CADM2: variants seen among roughly 807,000 people sequenced by gnomAD.
CADM2 encodes immunoglobulin superfamily member 4D.
In CADM2, 12 loss-of-function variants were observed where a neutral mutation model predicts 49.8. The ratio of observed to expected loss-of-function variants is 0.24; its 90% CI spans 0.15 to 0.39. The LOEUF is 0.39. Ranked by LOEUF, CADM2 falls within the 10% of genes least tolerant of loss-of-function variation. CADM2 has a pLI of 1.00. For missense variants in CADM2, 378 were observed against 492.3 expected, an observed-to-expected ratio of 0.77 and a Z score of 2.20; for synonymous variants, 214 against 175.4, an observed-to-expected ratio of 1.22 and a Z score of -1.74.
chr3:86,046,416 C>A (rs962988283), intron 8 of CADM2, among the ~76,000 whole-genome samples: 1 of 152,050 alleles, frequency 6.6e-6, no homozygotes, highest in Admixed American at 6.6e-5. Flanking sequence ...ATAGACGCTG[C>A]CCTTTTAAGC....
At chr3:85,834,214 A>G (rs1406726833) in intron 3 of CADM2, among the ~76,000 whole-genome samples, 1 of 151,614 alleles carries the variant, frequency 6.6e-6, no homozygotes, top group Admixed American at 6.6e-5. Flanking sequence ...AAAGAGAAAA[A>G]AATTATTATA....
At chr3:85,845,507 A>G (rs1322202780) in intron 3 of CADM2, among the ~76,000 whole-genome samples, 1 of 152,198 alleles carries the variant, frequency 6.6e-6, no homozygotes, top group Non-Finnish European at 1.5e-5. Context: ...TTTAAGATTC[A>G]TGAAGCTTTA....
chr3:85,077,795 A>AT (rs2037004902), intron 1 of CADM2, among the ~76,000 whole-genome samples: 1 of 152,114 alleles, frequency 6.6e-6, no homozygotes, highest in African/African-American at 2.4e-5. Flanking sequence ...GGTTTTGTTA[A>AT]TAAAAACAGA....
At chr3:85,712,671 T>C (rs1186671156) in intron 1 of CADM2, among the ~76,000 whole-genome samples, 1 of 152,180 alleles carries the variant, frequency 6.6e-6, no homozygotes, top group Non-Finnish European at 1.5e-5. Context: ...GACTAATAAT[T>C]GTAATAATGC....
At chr3:85,400,586 T>C (rs956465102) in intron 1 of CADM2, among the ~76,000 whole-genome samples, 2 of 152,156 alleles carry the variant, frequency 1.3e-5, no homozygotes, top group African/African-American at 4.8e-5. Flanking sequence ...TCCTGGACTT[T>C]TTTTGGTTGG....
intron 3 of CADM2, among the ~76,000 whole-genome samples, chr3:85,855,293 C>A (rs1391145731): frequency 6.6e-6 from 1 of 152,012 alleles, no homozygotes; most frequent in Non-Finnish European, 1.5e-5. Context: ...CCCCAAGCCA[C>A]CCTCTAAACT....
intron 1 of CADM2, among the ~76,000 whole-genome samples, chr3:85,050,317 T>A (rs547148737): frequency 6.6e-6 from 1 of 152,180 alleles, no homozygotes; most frequent in African/African-American, 2.4e-5. Context: ...GCAGAACACT[T>A]GTTGCACAGC....
At position 85,406,335 on chromosome 3, in the gene CADM2, T is replaced by TTG. The variant is rs768101337; in HGVS notation, c.62-320186_62-320185insGT. On this transcript the variant is annotated intron_variant, in intron 1 of 9. Coordinates refer to ENST00000383699, the MANE Select transcript of CADM2 (RefSeq NM_001167675.2). ...CTTTCACTGAGAAGATACTATATTT[T>TTG]TACACATCACAAATATTTTTTGAAA... is the stretch of plus-strand genomic sequence containing the variant. Among the ~76,000 whole-genome samples, 563 of 152,272 alleles carry TTG rather than the reference T, an allele frequency of 3.7e-3. 5 individuals carry two copies. In the Middle Eastern group the frequency reaches 0.045, roughly 12 times the overall value.
intron 1 of CADM2, among the ~76,000 whole-genome samples, chr3:85,655,971 C>CT (rs10683634): frequency 0.18 from 26,739 of 148,222 alleles, 2,913 homozygotes; most frequent in Non-Finnish European, 0.25. Context: ...CCAAAAGTTC[C>CT]TTTTTTTTTT....
chr3:85,077,119 C>T (rs73125127), intron 1 of CADM2, among the ~76,000 whole-genome samples: 13,703 of 152,170 alleles, frequency 0.09, 1,144 homozygotes, highest in Admixed American at 0.26. Flanking sequence ...AGCTAGAGAA[C>T]ATCTCAGAAT....
At chr3:85,114,745 A>G (rs1435904828) in intron 1 of CADM2, among the ~76,000 whole-genome samples, 4 of 152,170 alleles carry the variant, frequency 2.6e-5, no homozygotes, top group Admixed American at 6.5e-5. Flanking sequence ...CCTTTCTAAG[A>G]CTTAGTTTCA....
intron 1 of CADM2, among the ~76,000 whole-genome samples, chr3:85,450,689 T>C (rs986356817): frequency 8.3e-5 from 12 of 143,940 alleles, no homozygotes; most frequent in African/African-American, 3.0e-4. Context: ...TGACTAAAGA[T>C]TCACTGACAT....
rs577869200 is a variant in CADM2, at chr3:85,722,052, T to C, written c.62-4470T>C. On this transcript the variant is annotated intron_variant, in intron 1 of 9. Coordinates refer to ENST00000383699, the MANE Select transcript of CADM2 (RefSeq NM_001167675.2). ...GTTCACCTCTCAGCAAGGAAGAGGC[T>C]CTGGAGTGAGTAGCTCCTTTCTGCA... Among the ~76,000 whole-genome samples the C allele has an allele frequency of 4.5e-4, 69 of 152,066 alleles. 1 individual carries two copies. The highest frequency in any genetic ancestry group is 1.6e-3 in the African/African-American group (67 of 41,486).
chr3:85,703,569 AG>A (rs1240862072), intron 1 of CADM2, among the ~76,000 whole-genome samples: 2 of 152,186 alleles, frequency 1.3e-5, no homozygotes, highest in Admixed American at 6.5e-5. Context: ...AATATCAAAA[AG>A]AAAAAAAAGT....
At chr3:85,228,205 A>C (rs558605075) in intron 1 of CADM2, among the ~76,000 whole-genome samples, 2 of 152,056 alleles carry the variant, frequency 1.3e-5, no homozygotes, top group Admixed American at 6.6e-5. Context: ...CCTGGATAAT[A>C]TTCTGTACAG....
At chr3:85,438,566 T>C (rs2037040854) in intron 1 of CADM2, among the ~76,000 whole-genome samples, 1 of 152,196 alleles carries the variant, frequency 6.6e-6, no homozygotes, top group Non-Finnish European at 1.5e-5. Flanking sequence ...ATAAAGTATT[T>C]AAACATTTTT....
intron 1 of CADM2, among the ~76,000 whole-genome samples, chr3:85,632,788 T>A (rs939211395): frequency 6.6e-6 from 1 of 152,070 alleles, no homozygotes; most frequent in Non-Finnish European, 1.5e-5. Flanking sequence ...AAACAAAACT[T>A]TTCTTTATAG....
At chr3:85,294,987 A>C (rs1001047919) in intron 1 of CADM2, among the ~76,000 whole-genome samples, 1 of 152,074 alleles carries the variant, frequency 6.6e-6, no homozygotes, top group African/African-American at 2.4e-5. Flanking sequence ...AGAAACTACC[A>C]TCAGAGTGAA....
At chr3:85,155,918 A>T (rs2040099916) in intron 1 of CADM2, among the ~76,000 whole-genome samples, 1 of 152,148 alleles carries the variant, frequency 6.6e-6, no homozygotes, top group Admixed American at 6.5e-5. Context: ...ACATTCCAGA[A>T]TCTCTGGGAC....
Sources: gnomAD v4.1 joint callset for allele counts (sites outside exome capture counted in the v4.1 genomes callset) on GRCh38, gnomAD v4.1.1 for gene constraint, MANE v1.5 for transcripts, NCBI Gene and HGNC (gene_info 2026-07-23, HGNC 2026-07-21) for gene names.